Variants in DSC3 observed in about 807,000 individuals in gnomAD.
DSC3 encodes desmocollin-3.
Under a neutral mutation model 89.5 loss-of-function variants are expected in DSC3, and 97 were observed. The observed-to-expected ratio is 1.08, with a 90% CI of 0.92 to 1.28. The LOEUF is 1.28. DSC3 is among the 50% of genes most tolerant of loss of function. The pLI is 0.00. For synonymous variants in DSC3, 436 were observed against 384.1 expected (o/e 1.14, Z -1.58); for missense variants, 1,199 against 1,085.3 (o/e 1.10, Z -1.47).
chr18:31,013,051 C>G (rs16961075), intron 9 of DSC3, among the ~76,000 whole-genome samples: 5,927 of 152,172 alleles, frequency 0.039, 380 homozygotes, highest in African/African-American at 0.14. Flanking sequence ...AGGAAGATCA[C>G]TAGGTAAGAG....
In DSC3 at chr18:30,989,639, T is replaced by C. The variant is rs1221155541; in HGVS notation, c.*4536A>G. On this transcript the variant is annotated 3_prime_UTR_variant, in exon 16 of 16. Transcript: ENST00000360428. ...AGCCATGTTTTATGAATTTTACCAT[T>C]TTTTAAGTAAAGGGAAAAGAAGGTT... Among the ~76,000 whole-genome samples, 1 of 152,200 alleles carries C rather than the reference T, an allele frequency of 6.6e-6. No homozygotes were observed. Among genetic ancestry groups the C allele is most frequent in the African/African-American group, 2.4e-5 (1 of 41,456 alleles).
rs1598544803 is a variant in DSC3, at chr18:31,022,218, AT to A, written c.942+117del. On this transcript the variant is annotated intron_variant, in intron 7 of 15. Coordinates refer to ENST00000360428, the MANE Select transcript of DSC3 (RefSeq NM_001941.5). ...ACAGAAAAAATTGTTAGGAATTCTTATTGTCTTATGCCTAAAATAAAATTAA... is the reference window on the plus strand; with the variant it reads ...ACAGAAAAAATTGTTAGGAATTCTTATGTCTTATGCCTAAAATAAAATTAA... 2.4e-6 allele frequency: 3 copies of A among 1,235,382 alleles called. No homozygotes were observed. In the East Asian group the frequency reaches 7.1e-5, roughly 29 times the overall value. 76.5% of individuals were successfully genotyped at this position (1,235,382 alleles called of 1,614,324 possible). A position where few individuals can be genotyped will look rare whatever the true frequency, so the allele number is the denominator to read the frequency against.
At chr18:31,037,538 CTT>C (rs1282788096) in intron 1 of DSC3, among the ~76,000 whole-genome samples, 3 of 152,100 alleles carry the variant, frequency 2.0e-5, no homozygotes, top group Non-Finnish European at 4.4e-5. Flanking sequence ...AATTATGAGT[CTT>C]TTTCTTTTTT....
intron 1 of DSC3, among the ~76,000 whole-genome samples, chr18:31,038,165 TGTAA>T (rs1240764234): frequency 2.0e-5 from 3 of 152,238 alleles, no homozygotes; most frequent in Non-Finnish European, 2.9e-5. Context: ...CATATTTGTC[TGTAA>T]GTGAGATCAG....
At position 30,992,121 on chromosome 18, in the gene DSC3, G is replaced by C. The variant is rs1984274521; in HGVS notation, c.*2054C>G. 2 of 133,664 alleles carry C rather than the reference G, an allele frequency of 1.5e-5. No individual in the cohort carries two copies. Among genetic ancestry groups the C allele is most frequent in the East Asian group, 5.2e-4 (2 of 3,838 alleles). The allele number at this position is 133,664 out of a possible 1,614,324, so 8.3% of individuals were successfully genotyped here. ...CGGAGCTTTCAGTGAGCAGAGATCG[G>C]AGCCACTGCACTCCAGCCTGTGCGT... On this transcript the variant is annotated 3_prime_UTR_variant, in exon 16 of 16. Transcript: ENST00000360428.
intron 7 of DSC3, among the ~76,000 whole-genome samples, chr18:31,019,714 G>A (rs1985356861): frequency 6.6e-6 from 1 of 151,450 alleles, no homozygotes. Context: ...GGACCCTTGA[G>A]TGGGAGTTTG....
chr18:31,041,977 C>T (rs1016806471), intron 1 of DSC3, among the ~76,000 whole-genome samples: 2 of 152,104 alleles, frequency 1.3e-5, no homozygotes, highest in Admixed American at 6.5e-5. Flanking sequence ...TTCGCGCCCC[C>T]GGCACATCCC....
chr18:31,020,936 T>C (rs1056516506), intron 7 of DSC3, among the ~76,000 whole-genome samples: 2 of 151,884 alleles, frequency 1.3e-5, no homozygotes, highest in African/African-American at 4.8e-5. Context: ...AGCGAGACCC[T>C]CTCTCAAAAA....
At position 30,992,297 on chromosome 18, in the gene DSC3, C is replaced by A. The variant is rs1984290514; in HGVS notation, c.*1878G>T. ...GATAGGCATTTAATTCATAGACCTT[C>A]TTAGTGCCCAGAAGGAGGGCTGCAG... On this transcript the variant is annotated 3_prime_UTR_variant, in exon 16 of 16. Coordinates refer to ENST00000360428, the MANE Select transcript of DSC3 (RefSeq NM_001941.5). The A allele has an allele frequency of 6.6e-6, 1 of 151,898 alleles. No homozygotes were observed. The highest frequency in any genetic ancestry group is 2.4e-5 in the African/African-American group (1 of 41,390). The allele number at this position is 151,898 out of a possible 1,614,324, so 9.4% of individuals were successfully genotyped here.
intron 1 of DSC3, among the ~76,000 whole-genome samples, chr18:31,036,798 C>CTTTTTTTTTTTTTTT (rs775187201): frequency 0.013 from 1,436 of 106,818 alleles, 136 homozygotes; most frequent in East Asian, 0.049. Context: ...TTCTTTCTTC[C>CTTTTTTTTTTTTTTT]TTTTTTTTTT....
At chr18:31,000,336 T>C (rs2144678725) in intron 14 of DSC3, among the ~76,000 whole-genome samples, 1 of 152,316 alleles carries the variant, frequency 6.6e-6, no homozygotes, top group Non-Finnish European at 1.5e-5. Context: ...AATATAACAA[T>C]TACCATCATC....
intron 1 of DSC3, among the ~76,000 whole-genome samples, chr18:31,033,310 A>C (rs1985863833): frequency 6.6e-6 from 1 of 152,188 alleles, no homozygotes. Context: ...AAGTTACCCA[A>C]ATAAAATTGA....
At position 30,995,971 on chromosome 18, in the gene DSC3, T is replaced by TAAAAAAAAAAAAAAAAAAA; in HGVS notation, c.2493+801_2493+819dup. 4.6e-3 allele frequency among the ~76,000 whole-genome samples: 170 copies of TAAAAAAAAAAAAAAAAAAA among 37,028 alleles called. 1 individual carries two copies. The highest frequency in any genetic ancestry group is 6.4e-3 in the East Asian group (7 of 1,088). 24.3% of individuals were successfully genotyped at this position (37,028 alleles called of 152,430 possible). A position where few individuals can be genotyped will look rare whatever the true frequency, so the allele number is the denominator to read the frequency against. ...TCAGCGACAGAGCAAGACCCTGCCT[T>TAAAAAAAAAAAAAAAAAAA]AAAAAAAAAAAAAAAAAAAAAAAAA... is the stretch of plus-strand genomic sequence containing the variant. On this transcript the variant is annotated intron_variant, in intron 15 of 15. Coordinates refer to ENST00000360428, the MANE Select transcript of DSC3 (RefSeq NM_001941.5).
At chr18:31,022,979 T>C (rs276923) in intron 6 of DSC3, among the ~76,000 whole-genome samples, 70,300 of 151,940 alleles carry the variant, frequency 0.46, 16,876 homozygotes, top group East Asian at 0.88. Context: ...CTATAATCTT[T>C]TTGCTACTTC....
intron 1 of DSC3, among the ~76,000 whole-genome samples, chr18:31,035,219 A>G (rs1985932324): frequency 6.6e-6 from 1 of 152,140 alleles, no homozygotes; most frequent in Admixed American, 6.5e-5. Flanking sequence ...ACAAATATAT[A>G]CATTATCACA....
rs1196444633 is a variant in DSC3 at position 30,995,971 on chromosome 18, T to TAAAAAAAAAAAAAAA, written c.2493+805_2493+819dup. On this transcript the variant is annotated intron_variant, in intron 15 of 15. Transcript: ENST00000360428. The stretch of plus-strand genomic sequence containing the variant: ...TCAGCGACAGAGCAAGACCCTGCCT[T>TAAAAAAAAAAAAAAA]AAAAAAAAAAAAAAAAAAAAAAAAA... Among the ~76,000 whole-genome samples, 170 of 37,014 alleles carry TAAAAAAAAAAAAAAA rather than the reference T, an allele frequency of 4.6e-3. 1 individual carries two copies. The highest frequency in any genetic ancestry group is 5.9e-3 in the Admixed American group (13 of 2,192). 24.3% of individuals were successfully genotyped at this position (37,014 alleles called of 152,430 possible).
Position 31,024,428 on chromosome 18 carries a change from C to T in DSC3, c.696G>A (p.Arg232=), listed in dbSNP as rs376066352. 5 of 1,611,810 alleles carry T rather than the reference C, an allele frequency of 3.1e-6. No homozygotes were observed. Among genetic ancestry groups the T allele is most frequent in the Middle Eastern group, 1.6e-4 (1 of 6,062 alleles). Residue 232 remains arginine, a synonymous_variant, in exon 6 of 16, where the codon AGG becomes AGA. Coordinates refer to ENST00000360428, the MANE Select transcript of DSC3 (RefSeq NM_001941.5). ...SADLPLPLPI[R]VEDENDNHPV... The stretch of plus-strand genomic sequence containing the variant: ...GGTGGTTGTCATTTTCATCCTCTAC[C>T]CTGATGGGTAGTGGGAGGGGCAGAT...
At chr18:31,003,580 T>C (rs1200682882) in intron 13 of DSC3, among the ~76,000 whole-genome samples, 1 of 152,214 alleles carries the variant, frequency 6.6e-6, no homozygotes, top group Non-Finnish European at 1.5e-5. Context: ...CCAGGTCACA[T>C]GGCTTACAAG....
In DSC3 at chr18:30,991,308, G is replaced by A. The variant is rs751546586; in HGVS notation, c.*2867C>T. 6.6e-6 allele frequency: 1 copy of A among 152,508 alleles called. No individual in the cohort carries two copies. Among genetic ancestry groups the A allele is most frequent in the Non-Finnish European group, 1.5e-5 (1 of 68,018 alleles). The allele number at this position is 152,508 out of a possible 1,614,324, so 9.4% of individuals were successfully genotyped here. On this transcript the variant is annotated 3_prime_UTR_variant, in exon 16 of 16. Transcript: ENST00000360428. ...CATAAAAAATTCTAAATCATTCACTGGGGGAAAAATGAAAGCTTTAAAAAT... is the reference window on the plus strand; with the variant it reads ...CATAAAAAATTCTAAATCATTCACTAGGGGAAAAATGAAAGCTTTAAAAAT...
Sources: gnomAD v4.1 joint callset for allele counts (sites outside exome capture counted in the v4.1 genomes callset) on GRCh38, gnomAD v4.1.1 for gene constraint, MANE v1.5 for transcripts, NCBI Gene and HGNC (gene_info 2026-07-23, HGNC 2026-07-21) for gene names.